ZFHX3: variants seen among roughly 807,000 people sequenced by gnomAD.
ZFHX3 encodes the protein zinc finger homeobox protein 3.
In ZFHX3, 42 loss-of-function variants were observed where a neutral mutation model predicts 279.1. The observed-to-expected ratio is 0.15, with a 90% CI of 0.12 to 0.19. The LOEUF (loss-of-function observed/expected upper bound fraction) is 0.19. ZFHX3 is among the 10% of genes least tolerant of loss of function. The pLI is 1.00. For missense variants in ZFHX3, 4,981 were observed against 4,754.0 expected (o/e 1.05, Z -1.40); for synonymous variants, 2,293 against 1,957.8 (o/e 1.17, Z -4.52).
Position 73,691,806 on chromosome 16 carries a change from G to A in ZFHX3, c.-1607-11566C>T, listed in dbSNP as rs573935356. ...TTCAAGTTATATAAGGTAGTCACTT[G>A]TTCTTCATTAATTTTTAAAATTTAT... On this transcript the variant is annotated intron_variant, in intron 1 of 17. Transcript: ENST00000641206. Among the ~76,000 whole-genome samples the A allele has an allele frequency of 1.4e-4, 22 of 152,210 alleles. No individual in the cohort carries two copies. The South Asian group carries it at 4.6e-3, about 32-fold the overall frequency.
intron 8 of ZFHX3, among the ~76,000 whole-genome samples, chr16:73,084,514 A>ATTTTTT (rs34134596): frequency 8.6e-5 from 8 of 92,648 alleles, no homozygotes; most frequent in South Asian, 3.8e-4. Flanking sequence ...CTAGGACTAA[A>ATTTTTT]TTTTTTTTTT....
intron 1 of ZFHX3, among the ~76,000 whole-genome samples, chr16:73,860,206 C>G (rs1961844582): frequency 6.6e-6 from 1 of 152,154 alleles, no homozygotes; most frequent in Admixed American, 6.5e-5. Context: ...TACCAAATTC[C>G]CAACAGTTTG....
At chr16:73,541,784 CTCTTT>C (rs1838885289) in intron 2 of ZFHX3, among the ~76,000 whole-genome samples, 1 of 108,874 alleles carries the variant, frequency 9.2e-6, no homozygotes, top group South Asian at 3.0e-4. Context: ...TTTGGTGGTT[CTCTTT>C]TTTTTTTTTT....
chr16:73,537,151 A>G (rs1037652099), intron 2 of ZFHX3, among the ~76,000 whole-genome samples: 1 of 152,146 alleles, frequency 6.6e-6, no homozygotes, highest in Non-Finnish European at 1.5e-5. Flanking sequence ...AGCCCTAAGT[A>G]GACATGATGC....
intron 2 of ZFHX3, among the ~76,000 whole-genome samples, chr16:73,651,304 A>G (rs1597047771): frequency 6.6e-6 from 1 of 151,990 alleles, no homozygotes; most frequent in Non-Finnish European, 1.5e-5. Flanking sequence ...GGCCTAATCT[A>G]TTTTATGGGA....
intron 3 of ZFHX3, among the ~76,000 whole-genome samples, chr16:73,406,284 T>C (rs1285557789): frequency 6.6e-6 from 1 of 152,218 alleles, no homozygotes; most frequent in African/African-American, 2.4e-5. Context: ...GGTTTTCCTA[T>C]CCTTTGTAAA....
intron 2 of ZFHX3, among the ~76,000 whole-genome samples, chr16:73,602,885 C>A (rs2052134509): frequency 6.6e-6 from 1 of 151,138 alleles, no homozygotes; most frequent in Non-Finnish European, 1.5e-5. Flanking sequence ...TTGCAGTGAA[C>A]CGAGATGGCT....
intron 1 of ZFHX3, among the ~76,000 whole-genome samples, chr16:73,750,553 G>A (rs2053752798): frequency 6.6e-6 from 1 of 152,140 alleles, no homozygotes. Flanking sequence ...GATCTATCTG[G>A]GGATGAATAA....
At chr16:72,995,299 CG>C (rs1383721246) in intron 1 of ZFHX3, among the ~76,000 whole-genome samples, 3 of 152,166 alleles carry the variant, frequency 2.0e-5, no homozygotes. Flanking sequence ...ACTCTTCGCC[CG>C]TGCCTCTCCA....
chr16:73,107,693 C>T (rs942224840), intron 7 of ZFHX3, among the ~76,000 whole-genome samples: 1 of 152,164 alleles, frequency 6.6e-6, no homozygotes, highest in Non-Finnish European at 1.5e-5. Context: ...GGTTTGGAAC[C>T]CCAAGCACCT....
At chr16:72,877,366 TTGTTGTTGG>T (rs11280073) in intron 4 of ZFHX3, among the ~76,000 whole-genome samples, 85,800 of 146,526 alleles carry the variant, frequency 0.59, 24,606 homozygotes, top group African/African-American at 0.68. Context: ...TTTTCTGTTG[TTGTTGTTGG>T]TGTTGTTGTT....
chr16:73,583,573 C>T lies in ZFHX3; in HGVS notation c.-1547+96607G>A, dbSNP rs368678612. 2.0e-5 allele frequency among the ~76,000 whole-genome samples: 3 copies of T among 152,282 alleles called. No individual in the cohort carries two copies. The East Asian group carries it at 5.8e-4, about 29-fold the overall frequency. ...TTTGCCATTCTCCTCAGGGAGATAA[C>T]AATGAAATTTATCACTACCTGGGAT... On this transcript the variant is annotated intron_variant, in intron 2 of 17. Transcript: ENST00000641206.
At chr16:72,971,378 T>C (rs902557719) in intron 1 of ZFHX3, among the ~76,000 whole-genome samples, 1 of 152,214 alleles carries the variant, frequency 6.6e-6, no homozygotes, top group East Asian at 1.9e-4. Flanking sequence ...GAATCAAGCA[T>C]GGTTTTGAGC....
intron 3 of ZFHX3, among the ~76,000 whole-genome samples, chr16:72,940,991 A>G (rs563815939): frequency 2.0e-5 from 3 of 152,234 alleles, no homozygotes; most frequent in Non-Finnish European, 4.4e-5. Flanking sequence ...ACTGTGAGCA[A>G]TGCTCACGTG....
In ZFHX3 at chr16:73,721,741, G is replaced by A. The variant is rs995607767; in HGVS notation, c.-1607-41501C>T. 2.6e-5 allele frequency among the ~76,000 whole-genome samples: 4 copies of A among 152,256 alleles called. No homozygotes were observed. The East Asian group carries it at 5.8e-4, about 22-fold the overall frequency. On this transcript the variant is annotated intron_variant, in intron 1 of 17. Transcript: ENST00000641206. ...TGCCTAAGGGAAATTATTATTAGCA[G>A]TTATAAACAATACCACTAGTGGGCC...
At chr16:73,551,538 C>T (rs937747225) in intron 2 of ZFHX3, among the ~76,000 whole-genome samples, 1 of 152,214 alleles carries the variant, frequency 6.6e-6, no homozygotes, top group Non-Finnish European at 1.5e-5. Context: ...TTCTCATTGA[C>T]TACTTTGCAT....
At chr16:72,990,066 T>C (rs1963022131) in intron 1 of ZFHX3, among the ~76,000 whole-genome samples, 1 of 152,128 alleles carries the variant, frequency 6.6e-6, no homozygotes, top group South Asian at 2.1e-4. Flanking sequence ...TTGGGTTTTT[T>C]TCCCCCCACC....
chr16:73,691,379 A>G (rs36109042), intron 1 of ZFHX3, among the ~76,000 whole-genome samples: 88,231 of 152,044 alleles, frequency 0.58, 27,312 homozygotes, highest in East Asian at 0.84. Flanking sequence ...AAGGAACTCA[A>G]AGAGCTTCAA....
chr16:72,874,190 A>AT (rs1365293810), intron 4 of ZFHX3, among the ~76,000 whole-genome samples: 30 of 102,344 alleles, frequency 2.9e-4, no homozygotes, highest in African/African-American at 1.3e-3. Context: ...CAGATGGAGG[A>AT]TTTTTTGATT....
Sources: gnomAD v4.1 joint callset for allele counts (sites outside exome capture counted in the v4.1 genomes callset) on GRCh38, gnomAD v4.1.1 for gene constraint, MANE v1.5 for transcripts, NCBI Gene and HGNC (gene_info 2026-07-23, HGNC 2026-07-21) for gene names.